Variants in ST3GAL4 observed in about 807,000 individuals in gnomAD.
ST3GAL4 encodes the protein ST3 beta-galactoside alpha-2,3-sialyltransferase 4.
In ST3GAL4, 24 loss-of-function variants were observed where a neutral mutation model predicts 42.6. That is an observed-to-expected ratio of 0.56 (90% CI 0.41 to 0.79). ST3GAL4 has a LOEUF of 0.79. Ranked by LOEUF, ST3GAL4 falls within the 30% of genes least tolerant of loss-of-function variation. The pLI, the probability that ST3GAL4 is intolerant of heterozygous loss-of-function variation, is 0.00. For missense variants in ST3GAL4, 311 were observed against 430.8 expected, an observed-to-expected ratio of 0.72 and a Z score of 2.46; for synonymous variants, 135 against 163.2, an observed-to-expected ratio of 0.83 and a Z score of 1.32.
In ST3GAL4 at chr11:126,386,694, A is replaced by G. The variant is rs1381277374; in HGVS notation, c.-60-19402A>G. 6.6e-6 allele frequency among the ~76,000 whole-genome samples: 1 copy of G among 152,144 alleles called. No individual in the cohort carries two copies. The highest frequency in any genetic ancestry group is 6.5e-5 in the Admixed American group (1 of 15,274). ...GGGTATCCTTGTGAGTACAGGGGAA[A>G]TGGCATGGAGAAAGACAAACACCGG... On this transcript the variant is annotated intron_variant, in intron 1 of 10. Coordinates refer to ENST00000444328, the MANE Select transcript of ST3GAL4 (RefSeq NM_001254757.2). This position sits in a 1 kb window ranked among gnomAD's most constrained non-coding sequence, Gnocchi z 4.7.
At chr11:126,399,936 A>G (rs548847307) in intron 1 of ST3GAL4, among the ~76,000 whole-genome samples, 1 of 152,168 alleles carries the variant, frequency 6.6e-6, no homozygotes, top group Admixed American at 6.5e-5. Flanking sequence ...CACTTAGTCT[A>G]AGAAGTTTCA....
chr11:126,385,444 G>A (rs1215575909), intron 1 of ST3GAL4, among the ~76,000 whole-genome samples: 1 of 152,060 alleles, frequency 6.6e-6, no homozygotes, highest in Admixed American at 6.6e-5. Flanking sequence ...GAGCCACCGC[G>A]CCTGACCCAC....
chr11:126,370,910 T>G (rs969777174), intron 1 of ST3GAL4, among the ~76,000 whole-genome samples: 3 of 152,074 alleles, frequency 2.0e-5, no homozygotes, highest in African/African-American at 7.2e-5. Flanking sequence ...TCAATCAATC[T>G]ACCTGCCTTG....
intron 1 of ST3GAL4, among the ~76,000 whole-genome samples, chr11:126,381,814 T>TAAAAGGGG (rs1953016860): frequency 6.6e-6 from 1 of 151,600 alleles, no homozygotes; most frequent in African/African-American, 2.4e-5. Context: ...TAAATGCCAT[T>TAAAAGGGG]AAAAGGGGAA....
intron 1 of ST3GAL4, among the ~76,000 whole-genome samples, chr11:126,402,762 G>C (rs929632517): frequency 6.6e-6 from 1 of 152,202 alleles, no homozygotes; most frequent in Non-Finnish European, 1.5e-5. Flanking sequence ...CCTCCACTGG[G>C]CCTTATTTCT....
intron 9 of ST3GAL4, among the ~76,000 whole-genome samples, chr11:126,413,007 C>A (rs1371219666): frequency 6.6e-6 from 1 of 152,246 alleles, no homozygotes; most frequent in African/African-American, 2.4e-5. Flanking sequence ...AGTCTTATCT[C>A]TACAGGCCCC....
Position 126,409,117 on chromosome 11 carries a change from A to G in ST3GAL4, c.628-151A>G, listed in dbSNP as rs1954404781. The G allele has an allele frequency of 2.0e-6, 2 of 1,001,248 alleles. No homozygotes were observed. Among genetic ancestry groups the G allele is most frequent in the Non-Finnish European group, 3.0e-6 (2 of 674,144 alleles). 62.0% of individuals were successfully genotyped at this position (1,001,248 alleles called of 1,614,324 possible). A position where few individuals can be genotyped will look rare whatever the true frequency, so the allele number is the denominator to read the frequency against. On this transcript the variant is annotated intron_variant, in intron 8 of 10. Transcript: ENST00000444328. The surrounding 1 kb of genome is among the most constrained non-coding windows in gnomAD (Gnocchi z 4.9). ...CCTCTCCTGGTCTCCCATCTGTGGC[A>G]CAGACTTCACCTCCCTTTCCTCTCA...
chr11:126,360,292 G>A (rs892893888), intron 1 of ST3GAL4, among the ~76,000 whole-genome samples: 1 of 152,236 alleles, frequency 6.6e-6, no homozygotes, highest in Non-Finnish European at 1.5e-5. Context: ...AGGGATCCGC[G>A]GAGTTCTGGG....
chr11:126,402,862 A>G (rs1211023566), intron 1 of ST3GAL4, among the ~76,000 whole-genome samples: 2 of 152,168 alleles, frequency 1.3e-5, no homozygotes, highest in Non-Finnish European at 2.9e-5. Flanking sequence ...TTCCTGGCAG[A>G]GCACCAAGAA....
rs887031912 is a variant in ST3GAL4 at position 126,414,305 on chromosome 11, C to T, written c.*258C>T. 2.0e-5 allele frequency: 11 copies of T among 547,434 alleles called. No homozygotes were observed. Among genetic ancestry groups the T allele is most frequent in the African/African-American group, 1.7e-4 (9 of 53,024 alleles). 33.9% of individuals were successfully genotyped at this position (547,434 alleles called of 1,614,324 possible). ...GGGGCTCGTTGCTGTGGCACCCCCT[C>T]TCTGCCAGCACCAAGAGATTATTTA... On this transcript the variant is annotated 3_prime_UTR_variant, in exon 11 of 11. Transcript: ENST00000444328.
chr11:126,408,622 G>A, intron 8 of ST3GAL4, 126 bp downstream of exon 8: 1 of 1,197,688 alleles, frequency 8.3e-7, no homozygotes. Flanking sequence ...CATGAACCGG[G>A]CTCCCGGAAG....
intron 1 of ST3GAL4, among the ~76,000 whole-genome samples, chr11:126,358,076 G>A (rs542152558): frequency 1.3e-5 from 2 of 152,372 alleles, no homozygotes; most frequent in South Asian, 2.1e-4. Flanking sequence ...CAAGGCAGCC[G>A]CTAGAGCCTA....
rs185678993 is a variant in ST3GAL4 at position 126,378,611 on chromosome 11, G to A, written c.-61+22769G>A. Reference sequence around the variant, plus strand: ...TTTAGTAGAGACAGGGTTTCACCGTGTTAGCCAGGATGGTCTCGATCTCCT... The same window carrying A: ...TTTAGTAGAGACAGGGTTTCACCGTATTAGCCAGGATGGTCTCGATCTCCT... On this transcript the variant is annotated intron_variant, in intron 1 of 10. Transcript: ENST00000444328. This position sits in a 1 kb window ranked among gnomAD's most constrained non-coding sequence, Gnocchi z 5.3. Among the ~76,000 whole-genome samples the A allele has an allele frequency of 3.3e-3, 504 of 152,280 alleles. 2 individuals are homozygous for A. The highest frequency in any genetic ancestry group is 0.012 in the African/African-American group (482 of 41,560).
At chr11:126,370,829 A>G (rs1352099043) in intron 1 of ST3GAL4, among the ~76,000 whole-genome samples, 1 of 152,022 alleles carries the variant, frequency 6.6e-6, no homozygotes, top group Non-Finnish European at 1.5e-5. Flanking sequence ...GACATGTGCC[A>G]CCACGCTCGG....
At chr11:126,377,152 C>T (rs2135427969) in intron 1 of ST3GAL4, among the ~76,000 whole-genome samples, 1 of 152,138 alleles carries the variant, frequency 6.6e-6, no homozygotes, top group African/African-American at 2.4e-5. Context: ...TCGGTAATAC[C>T]TGATTTGTTA....
rs1287659880 is a variant in ST3GAL4 at position 126,366,120 on chromosome 11, C to G, written c.-61+10278C>G. Among the ~76,000 whole-genome samples, 1 of 152,198 alleles carries G rather than the reference C, an allele frequency of 6.6e-6. No individual in the cohort carries two copies. Among genetic ancestry groups the G allele is most frequent in the Non-Finnish European group, 1.5e-5 (1 of 68,026 alleles). On this transcript the variant is annotated intron_variant, in intron 1 of 10. Transcript: ENST00000444328. This position sits in a 1 kb window ranked among gnomAD's most constrained non-coding sequence, Gnocchi z 4.2. ...GGGCTGGCACAGCCACTCCCTGCCC[C>G]TTAGAGGCTCCGGGCTGCCTGGTGA... is the stretch of plus-strand genomic sequence containing the variant.
chr11:126,403,851 C>T (rs1954113817), intron 1 of ST3GAL4, among the ~76,000 whole-genome samples: 1 of 152,198 alleles, frequency 6.6e-6, no homozygotes, highest in Non-Finnish European at 1.5e-5. Context: ...CCCTGCACCC[C>T]ATCTGGCACC....
At chr11:126,399,383 C>T (rs2135514678) in intron 1 of ST3GAL4, among the ~76,000 whole-genome samples, 1 of 126,432 alleles carries the variant, frequency 7.9e-6, no homozygotes, top group Admixed American at 1.0e-4. Context: ...CAGTTTACTG[C>T]AACTTCTGTC....
rs1321092534 is a variant in ST3GAL4, at chr11:126,393,686, T to C, written c.-60-12410T>C. The stretch of plus-strand genomic sequence containing the variant: ...CACTTGAGGGTGGACACCACCGTCT[T>C]CAGGTCATAGGAAGTGTGAGCTAGC... On this transcript the variant is annotated intron_variant, in intron 1 of 10. Coordinates refer to ENST00000444328, the MANE Select transcript of ST3GAL4 (RefSeq NM_001254757.2). This position sits in a 1 kb window ranked among gnomAD's most constrained non-coding sequence, Gnocchi z 5.9. Among the ~76,000 whole-genome samples the C allele has an allele frequency of 6.6e-6, 1 of 152,154 alleles. No individual in the cohort carries two copies. The highest frequency in any genetic ancestry group is 1.5e-5 in the Non-Finnish European group (1 of 68,034).
Sources: allele counts gnomAD v4.1 joint callset (sites outside exome capture counted in the v4.1 genomes callset), GRCh38; gene constraint gnomAD v4.1.1; non-coding constraint Gnocchi (gnomAD v3.1); transcripts MANE v1.5; gene names NCBI Gene and HGNC (gene_info 2026-07-23, HGNC 2026-07-21).